UNC13C: variants seen among roughly 807,000 people sequenced by gnomAD.
The protein encoded by UNC13C is protein unc-13 homolog C.
UNC13C carries 174 observed loss-of-function variants against 245.4 expected under a neutral mutation model. That is an observed-to-expected ratio of 0.71 (90% CI 0.63 to 0.80). The LOEUF (loss-of-function observed/expected upper bound fraction) is 0.80, where lower values mean the gene tolerates loss of function less well. Among genes scored for constraint, UNC13C ranks in the 30% least tolerant of loss-of-function variants. UNC13C has a pLI of 0.00. For missense variants in UNC13C, 2,829 were observed against 2,602.9 expected (o/e 1.09, Z -1.89); for synonymous variants, 992 against 895.1 (o/e 1.11, Z -1.93).
intron 4 of UNC13C, among the ~76,000 whole-genome samples, chr15:54,221,153 T>A (rs2035213139): frequency 6.6e-6 from 1 of 152,054 alleles, no homozygotes; most frequent in African/African-American, 2.4e-5. Context: ...GTCTATGTCA[T>A]ACATAGATTT....
At chr15:54,369,945 A>G (rs943808518) in intron 17 of UNC13C, among the ~76,000 whole-genome samples, 1 of 152,016 alleles carries the variant, frequency 6.6e-6, no homozygotes, top group African/African-American at 2.4e-5. Flanking sequence ...CCTCTTGACT[A>G]CATACTCTCC....
rs570379351 is a variant in UNC13C, at chr15:54,350,394, A to C, written c.4713+11905A>C. ...CTCAGTATGTGGTCTTATGTAAGTC[A>C]AAAGGACATGAAATTGTAGAATGGT... On this transcript the variant is annotated intron_variant, in intron 17 of 32. Transcript: ENST00000260323. 7.8e-4 allele frequency among the ~76,000 whole-genome samples: 119 copies of C among 152,358 alleles called. 2 individuals are homozygous for C. In the South Asian group the frequency reaches 0.025, roughly 32 times the overall value.
At chr15:54,059,663 A>G (rs1241077103) in intron 2 of UNC13C, among the ~76,000 whole-genome samples, 1 of 152,230 alleles carries the variant, frequency 6.6e-6, no homozygotes, top group Non-Finnish European at 1.5e-5. Flanking sequence ...TGCCAAGTCA[A>G]TCCTAAGCCA....
intron 4 of UNC13C, among the ~76,000 whole-genome samples, chr15:54,229,911 A>G (rs1244349018): frequency 6.6e-6 from 1 of 152,036 alleles, no homozygotes; most frequent in African/African-American, 2.4e-5. Flanking sequence ...TTCACTTAAC[A>G]TAATGTCCTT....
At chr15:54,100,146 C>T (rs11636356) in intron 2 of UNC13C, among the ~76,000 whole-genome samples, 23,921 of 150,208 alleles carry the variant, frequency 0.16, 2,005 homozygotes, top group East Asian at 0.25. Flanking sequence ...TCTCCTTGCA[C>T]TCCTCCAAGT....
intron 4 of UNC13C, among the ~76,000 whole-genome samples, chr15:54,229,588 G>T (rs1054170977): frequency 3.9e-5 from 6 of 152,144 alleles, no homozygotes; most frequent in South Asian, 2.1e-4. Flanking sequence ...AAATCTAGCT[G>T]ATTAACATAT....
rs1293232169 is a variant in UNC13C, at chr15:54,538,662, G to A, written c.5696+5596G>A. On this transcript the variant is annotated intron_variant, in intron 26 of 32. Coordinates refer to ENST00000260323, the MANE Select transcript of UNC13C (RefSeq NM_001080534.3). ...CATATACATCATGGAATACTACACA[G>A]CCATAAAAATGAATGAGATCATGAC... Among the ~76,000 whole-genome samples the A allele has an allele frequency of 5.3e-5, 8 of 152,160 alleles. No individual in the cohort carries two copies. In the East Asian group the frequency reaches 1.5e-3, roughly 29 times the overall value.
intron 19 of UNC13C, among the ~76,000 whole-genome samples, chr15:54,452,097 C>T (rs779495812): frequency 7.9e-5 from 12 of 152,278 alleles, no homozygotes; most frequent in Admixed American, 2.0e-4. Context: ...GAGACTGTGG[C>T]GAAGCTTTGC....
At chr15:54,331,159 G>A (rs1342609312) in intron 14 of UNC13C, among the ~76,000 whole-genome samples, 1 of 151,980 alleles carries the variant, frequency 6.6e-6, no homozygotes, top group African/African-American at 2.4e-5. Context: ...GTGCAATTTG[G>A]TGTTTACAGA....
At chr15:53,940,010 G>A in the UNC13C span, among the ~76,000 whole-genome samples, 1 of 152,138 alleles carries the variant, frequency 6.6e-6, no homozygotes, top group East Asian at 1.9e-4. Flanking sequence ...CTAGATGAAG[G>A]AACTTAGAGG....
intron 2 of UNC13C, among the ~76,000 whole-genome samples, chr15:54,086,567 T>TA: frequency 6.6e-6 from 1 of 152,142 alleles, no homozygotes; most frequent in East Asian, 1.9e-4. Context: ...TTCTCATTTG[T>TA]GTTTGTTTTG....
At chr15:54,085,295 A>C (rs1386458300) in intron 2 of UNC13C, among the ~76,000 whole-genome samples, 8 of 152,206 alleles carry the variant, frequency 5.3e-5, no homozygotes, top group Admixed American at 1.3e-4. Context: ...TAGAAGTGTC[A>C]GCCGGAAGTT....
chr15:53,974,721 T>G (rs922676104), upstream of UNC13C: 4 of 138,482 alleles, frequency 2.9e-5, no homozygotes, highest in African/African-American at 1.1e-4. Flanking sequence ...ATTCCTCAGT[T>G]GGAAAAGTCA....
At chr15:54,417,281 G>A (rs1297993498) in intron 19 of UNC13C, among the ~76,000 whole-genome samples, 2 of 152,070 alleles carry the variant, frequency 1.3e-5, no homozygotes, top group Non-Finnish European at 2.9e-5. Context: ...TAGTGGCAAG[G>A]GCAGTAGAGG....
At chr15:54,099,458 G>A (rs893928918) in intron 2 of UNC13C, among the ~76,000 whole-genome samples, 1 of 152,144 alleles carries the variant, frequency 6.6e-6, no homozygotes, top group African/African-American at 2.4e-5. Flanking sequence ...CAACCCTGCT[G>A]TATTTCTTCA....
At chr15:53,841,768 C>T in the UNC13C span, among the ~76,000 whole-genome samples, 1 of 152,130 alleles carries the variant, frequency 6.6e-6, no homozygotes, top group African/African-American at 2.4e-5. Context: ...TGGATTTGCA[C>T]TACTTGCCAG....
intron 4 of UNC13C, among the ~76,000 whole-genome samples, chr15:54,160,641 G>T (rs912274019): frequency 6.6e-6 from 1 of 152,158 alleles, no homozygotes; most frequent in African/African-American, 2.4e-5. Context: ...AAGTATAGCT[G>T]TGGAAAAGCT....
intron 30 of UNC13C, among the ~76,000 whole-genome samples, chr15:54,616,919 A>G (rs990456502): frequency 6.6e-6 from 1 of 152,032 alleles, no homozygotes. Context: ...GTTTTATACT[A>G]TATCTTCTCT....
chr15:54,516,887 CTG>C (rs1445463004), intron 24 of UNC13C, among the ~76,000 whole-genome samples: 1 of 151,708 alleles, frequency 6.6e-6, no homozygotes, highest in Non-Finnish European at 1.5e-5. Context: ...AGCCTACTTT[CTG>C]TGTTTTGAAT....
Sources: gnomAD v4.1 joint callset for allele counts (sites outside exome capture counted in the v4.1 genomes callset) on GRCh38, gnomAD v4.1.1 for gene constraint, MANE v1.5 for transcripts, NCBI Gene and HGNC (gene_info 2026-07-23, HGNC 2026-07-21) for gene names.